Variants in ACACB observed in about 807,000 individuals in gnomAD.
ACACB encodes acetyl-CoA carboxylase beta.
Under a neutral mutation model 278.8 loss-of-function variants are expected in ACACB, and 209 were observed. The observed-to-expected ratio is 0.75, with a 90% CI of 0.67 to 0.84. The LOEUF (loss-of-function observed/expected upper bound fraction) is 0.84, where lower values mean the gene tolerates loss of function less well. Among genes scored for constraint, ACACB ranks in the 40% least tolerant of loss-of-function variants. The pLI, the probability that ACACB is intolerant of heterozygous loss-of-function variation, is 0.00. For missense variants in ACACB, 2,850 were observed against 3,269.0 expected (o/e 0.87, Z 3.13); for synonymous variants, 1,174 against 1,285.6 (o/e 0.91, Z 1.86).
intron 46 of ACACB, 88 bp from the exon 47 acceptor site, chr12:109,258,885 C>A: frequency 5.9e-6 from 9 of 1,526,012 alleles, no homozygotes; most frequent in Non-Finnish European, 8.0e-6. Context: ...AGATCGCCTG[C>A]CATCCAGAGC....
chr12:109,153,137 C>T (rs963775552), intron 2 of ACACB, among the ~76,000 whole-genome samples: 3 of 151,730 alleles, frequency 2.0e-5, no homozygotes, highest in Non-Finnish European at 4.4e-5. Context: ...CAGGCCACCC[C>T]GCCACCACAC....
In ACACB at chr12:109,199,435, G is replaced by A; in HGVS notation, c.2661G>A (p.Val887=). 2 of 1,543,792 alleles carry A rather than the reference G, an allele frequency of 1.3e-6. No individual in the cohort carries two copies. Among genetic ancestry groups the A allele is most frequent in the Non-Finnish European group, 8.7e-7 (1 of 1,144,160 alleles). ...TTACCATCGGCAATAAGACGTGTGT[G>A]TTTGAGAAGGAGAACGATCCTACAG... ...YRITIGNKTC[V]FEKENDPTVL... Residue 887 remains valine (V), a synonymous_variant, in exon 18 of 53, where the codon GTG becomes GTA. Transcript: ENST00000338432.
At chr12:109,198,524 C>T (rs535390443) in intron 17 of ACACB, among the ~76,000 whole-genome samples, 1 of 152,178 alleles carries the variant, frequency 6.6e-6, no homozygotes, top group South Asian at 2.1e-4. Flanking sequence ...ATGGCAAAAC[C>T]CCATCTCTAT....
chr12:109,194,188 T>TG (rs2045008564), intron 16 of ACACB, among the ~76,000 whole-genome samples: 7 of 142,932 alleles, frequency 4.9e-5, no homozygotes, highest in South Asian at 2.1e-4. Context: ...TGTTTTTTTT[T>TG]TTTGTTGTTG....
chr12:109,162,277 C>T (rs766308245), intron 2 of ACACB, among the ~76,000 whole-genome samples: 4 of 152,042 alleles, frequency 2.6e-5, no homozygotes, highest in Non-Finnish European at 4.4e-5. Flanking sequence ...CCGTGCCCAG[C>T]GTAGCATTAA....
chr12:109,220,216 G>A (rs1296835795), intron 24 of ACACB, among the ~76,000 whole-genome samples: 1 of 152,160 alleles, frequency 6.6e-6, no homozygotes, highest in Non-Finnish European at 1.5e-5. Context: ...GGCTAAAAAT[G>A]TTGAACCAAT....
At chr12:109,219,825 G>T (rs1053687113) in intron 24 of ACACB, among the ~76,000 whole-genome samples, 1 of 152,150 alleles carries the variant, frequency 6.6e-6, no homozygotes, top group African/African-American at 2.4e-5. Context: ...AAATTAATTG[G>T]GAGAGAGGAC....
In ACACB at chr12:109,265,460, G is replaced by A. The variant is rs17848845; in HGVS notation, c.7185G>A (p.Pro2395=). 6.4e-5 allele frequency: 103 copies of A among 1,613,068 alleles called. No individual in the cohort carries two copies. In the East Asian group the frequency reaches 9.6e-4, roughly 15 times the overall value. Residue 2395 remains proline, a synonymous_variant, in exon 52 of 53, where the codon CCG becomes CCA. Transcript: ENST00000338432. ...LEQHWQAGDG[P]RSTIRENITY... Reference sequence around the variant, plus strand: ...AGCACTGGCAGGCAGGGGATGGCCCGCGCTCCACCATCCGTGAGAACATCA... The same window carrying A: ...AGCACTGGCAGGCAGGGGATGGCCCACGCTCCACCATCCGTGAGAACATCA...
chr12:109,259,121 C>T lies in ACACB; in HGVS notation c.6496+13C>T. ...GGTGGCATGAAAGGTAAGCCCCTCC[C>T]TGCCTATGTTACCCCAAAGCCTTGG... On this transcript the variant is annotated intron_variant, in intron 47 of 52. Transcript: ENST00000338432. 12 of 1,613,290 alleles carry T rather than the reference C, an allele frequency of 7.4e-6. No individual in the cohort carries two copies. The highest frequency in any genetic ancestry group is 1.0e-5 in the Non-Finnish European group (12 of 1,179,564).
rs1437884886 is a variant in ACACB at position 109,166,938 on chromosome 12, T to C, written c.731T>C (p.Val244Ala). Residue 244 changes from valine (V) to alanine (A), a missense_variant, in exon 3 of 53, where the codon GTG (valine) becomes GCG (alanine). Val to Ala is a moderately conservative substitution (Grantham distance 64). This residue lies in a region of ACACB where 2,265 missense variants were observed against 2,561.3 expected (regional missense o/e 0.88). Coordinates refer to ENST00000338432, the MANE Select transcript of ACACB (RefSeq NM_001093.4). ...KKLDLHRDFTVASPAEFVTRF... is the reference protein window; with the variant it reads ...KKLDLHRDFTAASPAEFVTRF... ...CTGGACCTGCACAGAGACTTTACCG[T>C]GGCTTCTCCCGCTGAGTTTGTCACA... 1 of 1,613,830 alleles carries C rather than the reference T, an allele frequency of 6.2e-7. No homozygotes were observed. The highest frequency in any genetic ancestry group is 8.5e-7 in the Non-Finnish European group (1 of 1,180,010).
At chr12:109,254,798 A>G (rs1421725670) in intron 44 of ACACB, among the ~76,000 whole-genome samples, 1 of 149,258 alleles carries the variant, frequency 6.7e-6, no homozygotes, top group Non-Finnish European at 1.5e-5. Context: ...TTTTTTTGAG[A>G]CAGTGTTGCT....
At chr12:109,193,016 T>C (rs34736443) in intron 15 of ACACB, among the ~76,000 whole-genome samples, 25,865 of 152,098 alleles carry the variant, frequency 0.17, 2,733 homozygotes, top group East Asian at 0.45. Flanking sequence ...AGAATCACAG[T>C]CCCTGCTCTG....
intron 2 of ACACB, among the ~76,000 whole-genome samples, chr12:109,161,160 G>T (rs2043710532): frequency 1.3e-5 from 2 of 152,178 alleles, no homozygotes; most frequent in South Asian, 4.1e-4. Context: ...TCCCACTACT[G>T]GGTATGTACA....
Position 109,156,604 on chromosome 12 carries a change from T to TG in ACACB, c.654-10248dup, listed in dbSNP as rs1420100441. ...TTCTCTCTGTTTTTTTTTTTTTTTTTGGGGGGGGGCTATTATCAACAGCAC... is the reference window on the plus strand; with the variant it reads ...TTCTCTCTGTTTTTTTTTTTTTTTTTGGGGGGGGGGCTATTATCAACAGCAC... On this transcript the variant is annotated intron_variant, in intron 2 of 52. Coordinates refer to ENST00000338432, the MANE Select transcript of ACACB (RefSeq NM_001093.4). 1.5e-3 allele frequency among the ~76,000 whole-genome samples: 93 copies of TG among 63,184 alleles called. 2 individuals are homozygous for TG. Among genetic ancestry groups the TG allele is most frequent in the African/African-American group, 3.4e-3 (68 of 20,292 alleles). 41.5% of individuals were successfully genotyped at this position (63,184 alleles called of 152,430 possible).
intron 22 of ACACB, 93 bp downstream of exon 22, chr12:109,213,029 G>A: frequency 9.3e-7 from 1 of 1,073,008 alleles, no homozygotes; most frequent in Non-Finnish European, 1.4e-6. Flanking sequence ...CTTCAGGGCA[G>A]GCTTGAACTG....
At chr12:109,264,948 T>G (rs1409054875) in intron 50 of ACACB, among the ~76,000 whole-genome samples, 162 bp from the exon 51 acceptor site, 4 of 152,156 alleles carry the variant, frequency 2.6e-5, no homozygotes, top group African/African-American at 9.7e-5. Context: ...TCTGAGCAGG[T>G]GCCTTCTCCT....
At chr12:109,144,085 G>C (rs2136045202) in intron 2 of ACACB, among the ~76,000 whole-genome samples, 1 of 152,226 alleles carries the variant, frequency 6.6e-6, no homozygotes, top group East Asian at 1.9e-4. Flanking sequence ...GGCTGAGGTG[G>C]GTGGATTGCC....
intron 1 of ACACB, among the ~76,000 whole-genome samples, chr12:109,134,094 T>C (rs2042911940): frequency 6.6e-6 from 1 of 151,806 alleles, no homozygotes; most frequent in Non-Finnish European, 1.5e-5. Flanking sequence ...ACACACAGTT[T>C]TTGAGCTCTT....
chr12:109,249,812 A>G (rs2047045826), intron 40 of ACACB, 172 bp from the exon 41 acceptor site: 3 of 688,850 alleles, frequency 4.4e-6, no homozygotes, highest in South Asian at 2.4e-5. Flanking sequence ...CCTTTTAGAA[A>G]TCTTAGCACT....
Sources: gnomAD v4.1 joint callset for allele counts (sites outside exome capture counted in the v4.1 genomes callset) on GRCh38, gnomAD v4.1.1 for gene constraint, gnomAD v4.1.1 regional missense constraint, MANE v1.5 for transcripts, NCBI Gene and HGNC (gene_info 2026-07-23, HGNC 2026-07-21) for gene names.